Variants in ITPRID2 observed in about 807,000 individuals in gnomAD.
The protein encoded by ITPRID2 is protein ITPRID2.
ITPRID2 carries 60 observed loss-of-function variants against 124.3 expected under a neutral mutation model. The ratio of observed to expected loss-of-function variants is 0.48; its 90% CI spans 0.39 to 0.60. The LOEUF (loss-of-function observed/expected upper bound fraction) is 0.60, where lower values mean the gene tolerates loss of function less well. Ranked by LOEUF, ITPRID2 falls within the 20% of genes least tolerant of loss-of-function variation. ITPRID2 has a pLI of 0.00. For synonymous variants in ITPRID2, 521 were observed against 542.9 expected (o/e 0.96, Z 0.56); for missense variants, 1,553 against 1,512.2 (o/e 1.03, Z -0.45).
Position 181,916,282 on chromosome 2 carries a change from T to A in ITPRID2, c.2642T>A (p.Phe881Tyr). The A allele has an allele frequency of 6.2e-7, 1 of 1,614,228 alleles. No individual in the cohort carries two copies. The highest frequency in any genetic ancestry group is 8.5e-7 in the Non-Finnish European group (1 of 1,180,048). Residue 881 changes from phenylalanine to tyrosine, a missense_variant, in exon 11 of 18, where the codon TTC (phenylalanine) becomes TAC (tyrosine). By Grantham distance (22) the Phe-to-Tyr change is conservative. Coordinates refer to ENST00000431877, the MANE Select transcript of ITPRID2 (RefSeq NM_001130445.3). Reference protein sequence around the residue: ...PNISGATCSAFASPFGCPYSH... With the variant: ...PNISGATCSAYASPFGCPYSH... Reference sequence around the variant, plus strand: ...ATATCAGGGGCTACTTGTAGTGCCTTCGCTTCCCCTTTCGGGTGTCCTTAC... The same window carrying A: ...ATATCAGGGGCTACTTGTAGTGCCTACGCTTCCCCTTTCGGGTGTCCTTAC...
In ITPRID2 at chr2:181,915,515, A is replaced by G. The variant is rs1376432239; in HGVS notation, c.1875A>G (p.Glu625=). 2 of 1,614,124 alleles carry G rather than the reference A, an allele frequency of 1.2e-6. No homozygotes were observed. Among genetic ancestry groups the G allele is most frequent in the African/African-American group, 2.7e-5 (2 of 74,942 alleles). The change falls in exon 11 of 18, where the codon GAA becomes GAG. Residue 625 remains glutamate, a synonymous_variant. Transcript: ENST00000431877. ...GDHIIEITEV[E]EDLFPAETVE... ...ATATCATTGAAATTACTGAAGTGGAAGAGGATTTGTTTCCAGCAGAGACAG... is the reference window on the plus strand; with the variant it reads ...ATATCATTGAAATTACTGAAGTGGAGGAGGATTTGTTTCCAGCAGAGACAG...
Position 181,915,324 on chromosome 2 carries a change from C to G in ITPRID2, c.1684C>G (p.Pro562Ala). 1 of 1,614,118 alleles carries G rather than the reference C, an allele frequency of 6.2e-7. No homozygotes were observed. The highest frequency in any genetic ancestry group is 1.1e-5 in the South Asian group (1 of 91,072). ...DLATPTAQDQ[P>A]YFNESEEESL... ...TGCCACACCAACAGCACAAGACCAGCCTTATTTTAATGAATCAGAGGAGGA... is the reference window on the plus strand; with the variant it reads ...TGCCACACCAACAGCACAAGACCAGGCTTATTTTAATGAATCAGAGGAGGA... Residue 562 changes from proline to alanine, a missense_variant, in exon 11 of 18, where the codon CCT becomes GCT. Pro to Ala is a conservative substitution (Grantham distance 27). Coordinates refer to ENST00000431877, the MANE Select transcript of ITPRID2 (RefSeq NM_001130445.3).
At chr2:181,894,634 A>G (rs990264015) in intron 2 of ITPRID2, 11 of 152,144 alleles carry the variant, frequency 7.2e-5, no homozygotes, top group African/African-American at 2.2e-4. Context: ...TAAGTTCTCA[A>G]ATAGTCTTTG....
intron 2 of ITPRID2, chr2:181,894,195 A>G (rs1376958129): frequency 6.6e-6 from 1 of 152,266 alleles, no homozygotes; most frequent in Non-Finnish European, 1.5e-5. Flanking sequence ...AATGACATAT[A>G]GGATTTAAGA....
chr2:181,927,778 A>G (rs1057111838), intron 16 of ITPRID2, among the ~76,000 whole-genome samples: 3 of 152,238 alleles, frequency 2.0e-5, no homozygotes, highest in Non-Finnish European at 4.4e-5. Flanking sequence ...CAATGAGAGC[A>G]CTTGTGTCTC....
At chr2:181,901,019 AT>A in intron 7 of ITPRID2, 115 bp downstream of exon 7, 2 of 813,854 alleles carry the variant, frequency 2.5e-6, no homozygotes, top group South Asian at 2.1e-5. Flanking sequence ...AAAGAGATTG[AT>A]TAACGCAAAA....
chr2:181,904,523 T>G (rs746367357), intron 8 of ITPRID2, among the ~76,000 whole-genome samples: 1 of 152,184 alleles, frequency 6.6e-6, no homozygotes, highest in Non-Finnish European at 1.5e-5. Context: ...TAACTTTAAT[T>G]TCCTCTTCTC....
chr2:181,925,014 TG>T (rs1432313408), intron 16 of ITPRID2, among the ~76,000 whole-genome samples: 2 of 152,212 alleles, frequency 1.3e-5, no homozygotes, highest in African/African-American at 4.8e-5. Flanking sequence ...CAAAATTAAA[TG>T]TCAAGGAGTA....
Position 181,900,983 on chromosome 2 carries a change from A to G in ITPRID2, c.712+79A>G, listed in dbSNP as rs1692621142. 17 of 1,092,126 alleles carry G rather than the reference A, an allele frequency of 1.6e-5. 1 individual carries two copies. The South Asian group carries it at 2.7e-4, about 17-fold the overall frequency. The allele number at this position is 1,092,126 out of a possible 1,614,324, so 67.7% of individuals were successfully genotyped here. On this transcript the variant is annotated intron_variant, in intron 7 of 17. Coordinates refer to ENST00000431877, the MANE Select transcript of ITPRID2 (RefSeq NM_001130445.3). ...CAAGATGGTCTTATTTTAAAGCCTT[A>G]ATTTTCAGGAATAGCACTGGAAAGT...
chr2:181,892,207 G>T lies in ITPRID2; in HGVS notation c.141G>T (p.Thr47=). 1 of 1,552,264 alleles carries T rather than the reference G, an allele frequency of 6.4e-7. No individual in the cohort carries two copies. The highest frequency in any genetic ancestry group is 8.7e-7 in the Non-Finnish European group (1 of 1,147,712). ...CGGAGGATCTGTCCACAGAAGCGACGACGCAGGACGAGGAGGAGGACGAGG... is the reference window on the plus strand; with the variant it reads ...CGGAGGATCTGTCCACAGAAGCGACTACGCAGGACGAGGAGGAGGACGAGG... ...SETEDLSTEA[T]TQDEEEDEEE... Residue 47 remains threonine (T), a synonymous_variant, in exon 1 of 18, where the codon ACG becomes ACT. Coordinates refer to ENST00000431877, the MANE Select transcript of ITPRID2 (RefSeq NM_001130445.3). The surrounding 1 kb of genome is among the most constrained non-coding windows in gnomAD (Gnocchi z 5.2).
At chr2:181,920,501 T>A (rs1403385228) in intron 14 of ITPRID2, 96 bp from the exon 15 acceptor site, 2 of 857,502 alleles carry the variant, frequency 2.3e-6, no homozygotes, top group Non-Finnish European at 3.4e-6. Flanking sequence ...AAAAGTCTTG[T>A]GATTTGAAAA....
Position 181,919,587 on chromosome 2 carries a change from C to A in ITPRID2, c.3144+141C>A. ...GCATACTGTTTAAGGAGCTTTCCCA[C>A]AAATCAGTTGAATGTACAATTTGTA... On this transcript the variant is annotated intron_variant, in intron 14 of 17. Coordinates refer to ENST00000431877, the MANE Select transcript of ITPRID2 (RefSeq NM_001130445.3). This position sits in a 1 kb window ranked among gnomAD's most constrained non-coding sequence, Gnocchi z 4.2. 1 of 809,718 alleles carries A rather than the reference C, an allele frequency of 1.2e-6. No individual in the cohort carries two copies. The allele number at this position is 809,718 out of a possible 1,614,324, so 50.2% of individuals were successfully genotyped here.
intron 10 of ITPRID2, 56 bp from the exon 11 acceptor site, chr2:181,915,160 G>A: frequency 6.5e-7 from 1 of 1,549,222 alleles, no homozygotes; most frequent in Non-Finnish European, 8.7e-7. Flanking sequence ...TTGGTATTTT[G>A]TTAGTGACTC....
rs758479236 is a variant in ITPRID2 at position 181,916,238 on chromosome 2, C to T, written c.2598C>T (p.Ser866=). ...RPLCEHTRTL[S]THSVPNISGA... The stretch of plus-strand genomic sequence containing the variant: ...TGTGTGAGCACACAAGAACTCTGAG[C>T]ACTCACAGTGTTCCCAACATATCAG... Residue 866 remains serine, a synonymous_variant, in exon 11 of 18, where the codon AGC becomes AGT. Coordinates refer to ENST00000431877, the MANE Select transcript of ITPRID2 (RefSeq NM_001130445.3). 7.4e-6 allele frequency: 12 copies of T among 1,614,100 alleles called. No homozygotes were observed.
At chr2:181,897,723 A>G (rs1692322285) in intron 4 of ITPRID2, among the ~76,000 whole-genome samples, 1 of 151,992 alleles carries the variant, frequency 6.6e-6, no homozygotes, top group Non-Finnish European at 1.5e-5. Flanking sequence ...GGATTTTTAA[A>G]AAGTCTTTAA....
chr2:181,922,306 C>A lies in ITPRID2; in HGVS notation c.3569C>A (p.Pro1190His). 1 of 1,614,154 alleles carries A rather than the reference C, an allele frequency of 6.2e-7. No individual in the cohort carries two copies. Among genetic ancestry groups the A allele is most frequent in the Non-Finnish European group, 8.5e-7 (1 of 1,180,048 alleles). ...GAAGGAGCCCCAGAAGTTGTAGGAC[C>A]TAAATCTGAAGTGGAAGAAGGGCAT... ...AAEGAPEVVG[P>H]KSEVEEGHGK... Residue 1190 changes from proline (P) to histidine (H), a missense_variant, in exon 16 of 18, where the codon CCT (proline) becomes CAT (histidine). Coordinates refer to ENST00000431877, the MANE Select transcript of ITPRID2 (RefSeq NM_001130445.3).
Position 181,918,774 on chromosome 2 carries a change from A to C in ITPRID2, c.2885A>C (p.Gln962Pro). Residue 962 changes from glutamine to proline, a missense_variant, in exon 13 of 18, where the codon CAG becomes CCG. Gln to Pro is a moderately conservative substitution (Grantham distance 76). Coordinates refer to ENST00000431877, the MANE Select transcript of ITPRID2 (RefSeq NM_001130445.3). ...TTCTAGAATACTTTTCAGGAGCTCC[A>C]GGTAATGAGGCGGAGCCTGAATTTG... is the stretch of plus-strand genomic sequence containing the variant. ...PLYENTFQEL[Q>P]VMRRSLNLFR... 1 of 1,614,042 alleles carries C rather than the reference A, an allele frequency of 6.2e-7. No homozygotes were observed. Among genetic ancestry groups the C allele is most frequent in the Non-Finnish European group, 8.5e-7 (1 of 1,179,996 alleles).
intron 6 of ITPRID2, among the ~76,000 whole-genome samples, 180 bp from the exon 7 acceptor site, chr2:181,900,516 T>G (rs1692576061): frequency 6.6e-6 from 1 of 152,230 alleles, no homozygotes; most frequent in African/African-American, 2.4e-5. Context: ...TTATAAGGGC[T>G]ATTTATTCCC....
chr2:181,907,039 A>G lies in ITPRID2; in HGVS notation c.1414-2860A>G, dbSNP rs1444762614. 6.6e-6 allele frequency among the ~76,000 whole-genome samples: 1 copy of G among 152,234 alleles called. No individual in the cohort carries two copies. Among genetic ancestry groups the G allele is most frequent in the Admixed American group, 6.5e-5 (1 of 15,284 alleles). On this transcript the variant is annotated intron_variant, in intron 8 of 17. Transcript: ENST00000431877. The surrounding 1 kb of genome is among the most constrained non-coding windows in gnomAD (Gnocchi z 5.1). Reference sequence around the variant, plus strand: ...AGCTCTAGTTTTGATTTTCTTTGAAAACCATTTTGATATACAATGTTTATT... The same window carrying G: ...AGCTCTAGTTTTGATTTTCTTTGAAGACCATTTTGATATACAATGTTTATT...
Sources: allele counts gnomAD v4.1 joint callset (sites outside exome capture counted in the v4.1 genomes callset), GRCh38; gene constraint gnomAD v4.1.1; non-coding constraint Gnocchi (gnomAD v3.1); transcripts MANE v1.5; gene names NCBI Gene and HGNC (gene_info 2026-07-23, HGNC 2026-07-21).